Variants in RAB33B observed in about 807,000 individuals in gnomAD.
RAB33B encodes ras-related protein Rab-33B.
Under a neutral mutation model 15.0 loss-of-function variants are expected in RAB33B, and 6 were observed. The observed-to-expected ratio is 0.40, with a 90% confidence interval of 0.22 to 0.79. The LOEUF (loss-of-function observed/expected upper bound fraction) is 0.79. Ranked by LOEUF, RAB33B falls within the 30% of genes least tolerant of loss-of-function variation. RAB33B has a pLI of 0.37. For synonymous variants in RAB33B, 117 were observed against 108.3 expected, an observed-to-expected ratio of 1.08 and a Z score of -0.50; for missense variants, 257 against 296.4, an observed-to-expected ratio of 0.87 and a Z score of 0.98.
At chr4:139,445,010 A>C in the RAB33B span, among the ~76,000 whole-genome samples, 1 of 152,166 alleles carries the variant, frequency 6.6e-6, no homozygotes, top group African/African-American at 2.4e-5. Context: ...TCCCTGTTCA[A>C]CTCTCCCATT....
intron 1 of RAB33B, among the ~76,000 whole-genome samples, chr4:139,456,983 G>T (rs1420703177): frequency 6.6e-6 from 1 of 152,094 alleles, no homozygotes; most frequent in Non-Finnish European, 1.5e-5. Flanking sequence ...GATCTAAAAT[G>T]ACATTTTTCC....
At position 139,474,903 on chromosome 4, in the gene RAB33B, A is replaced by T. The variant is rs1050064463; in HGVS notation, c.*1777A>T. 1 of 152,610 alleles carries T rather than the reference A, an allele frequency of 6.6e-6. No homozygotes were observed. The highest frequency in any genetic ancestry group is 2.4e-5 in the African/African-American group (1 of 41,466). 9.5% of individuals were successfully genotyped at this position (152,610 alleles called of 1,614,324 possible). ...ATTATTGTACTACAGTATTTTCAGA[A>T]TATGGGAAATCAATTAAAAATGTAA... On this transcript the variant is annotated 3_prime_UTR_variant, in exon 2 of 2. Transcript: ENST00000305626.
upstream of RAB33B, chr4:139,451,565 G>A (rs1254872228): frequency 2.6e-5 from 4 of 151,710 alleles, no homozygotes; most frequent in Middle Eastern, 3.2e-3. Flanking sequence ...TGGTAGAGAC[G>A]AGGTTTCACC....
the RAB33B span, among the ~76,000 whole-genome samples, chr4:139,447,772 T>C: frequency 6.8e-6 from 1 of 147,136 alleles, no homozygotes; most frequent in African/African-American, 2.5e-5. Context: ...GTTCACGCCA[T>C]TCTCCTGCCT....
chr4:139,458,179 G>A (rs1056204559), intron 1 of RAB33B, among the ~76,000 whole-genome samples: 9 of 152,102 alleles, frequency 5.9e-5, no homozygotes, highest in Non-Finnish European at 1.3e-4. Flanking sequence ...TGTAGTCCCA[G>A]CTACTCCTGA....
At chr4:139,465,723 T>TTC (rs1750271447) in intron 1 of RAB33B, among the ~76,000 whole-genome samples, 1 of 72,482 alleles carries the variant, frequency 1.4e-5, no homozygotes, top group South Asian at 3.6e-4. Context: ...CTTCTTCTTC[T>TTC]TTTTTTTTTT....
chr4:139,471,518 T>C (rs1012470488), intron 1 of RAB33B, among the ~76,000 whole-genome samples: 3 of 151,582 alleles, frequency 2.0e-5, no homozygotes, highest in African/African-American at 4.8e-5. Flanking sequence ...TTGGTTCTTA[T>C]GAAGTTTTTT....
chr4:139,474,282 T>A lies in RAB33B; in HGVS notation c.*1156T>A, dbSNP rs1227514679. 6.6e-6 allele frequency: 1 copy of A among 152,182 alleles called. No homozygotes were observed. Among genetic ancestry groups the A allele is most frequent in the Admixed American group, 6.5e-5 (1 of 15,270 alleles). The allele number at this position is 152,182 out of a possible 1,614,324, so 9.4% of individuals were successfully genotyped here. A position where few individuals can be genotyped will look rare whatever the true frequency, so the allele number is the denominator to read the frequency against. Reference sequence around the variant, plus strand: ...AGGCAAATAAAGTGACATAAGGTGCTTTATATTTTATTTTGGTATATTTAA... The same window carrying A: ...AGGCAAATAAAGTGACATAAGGTGCATTATATTTTATTTTGGTATATTTAA... On this transcript the variant is annotated 3_prime_UTR_variant, in exon 2 of 2. Coordinates refer to ENST00000305626, the MANE Select transcript of RAB33B (RefSeq NM_031296.3).
At position 139,460,133 on chromosome 4, in the gene RAB33B, A is replaced by T. The variant is rs1750144322; in HGVS notation, c.249+5689A>T. Among the ~76,000 whole-genome samples, 3 of 152,310 alleles carry T rather than the reference A, an allele frequency of 2.0e-5. No individual in the cohort carries two copies. The South Asian group carries it at 6.2e-4, about 32-fold the overall frequency. On this transcript the variant is annotated intron_variant, in intron 1 of 1. Coordinates refer to ENST00000305626, the MANE Select transcript of RAB33B (RefSeq NM_031296.3). ...TGGTGATGAGAAAGAAGAGGACTAG[A>T]TGAGTGAGGTTGTGAGTCTGGGTGA...
chr4:139,464,695 G>A (rs1427497798), intron 1 of RAB33B, among the ~76,000 whole-genome samples: 4 of 152,042 alleles, frequency 2.6e-5, no homozygotes, highest in Non-Finnish European at 5.9e-5. Flanking sequence ...AGCTTCATCC[G>A]TGTCGATACA....
At chr4:139,453,646 G>A (rs1579170907), upstream of RAB33B, 1 of 152,184 alleles carries the variant, frequency 6.6e-6, no homozygotes, top group Non-Finnish European at 1.5e-5. Flanking sequence ...GTCGATGCCG[G>A]AACCGACCCG....
rs1449981000 is a variant in RAB33B at position 139,473,161 on chromosome 4, AAAG to A, written c.*38_*40del. The A allele has an allele frequency of 1.3e-6, 2 of 1,503,896 alleles. No individual in the cohort carries two copies. Among genetic ancestry groups the A allele is most frequent in the East Asian group, 4.7e-5 (2 of 42,914 alleles). 93.2% of individuals were successfully genotyped at this position (1,503,896 alleles called of 1,614,324 possible). A position where few individuals can be genotyped will look rare whatever the true frequency, so the allele number is the denominator to read the frequency against. Reference sequence around the variant, plus strand: ...TTTATTATATTATCTAATTTTGACTAAAGAAATACTTTTGAAGTATGACAGTAT... The same window carrying A: ...TTTATTATATTATCTAATTTTGACTAAAATACTTTTGAAGTATGACAGTAT... On this transcript the variant is annotated 3_prime_UTR_variant, in exon 2 of 2. Transcript: ENST00000305626.
chr4:139,444,155 T>C, the RAB33B span, among the ~76,000 whole-genome samples: 1 of 152,332 alleles, frequency 6.6e-6, no homozygotes, highest in East Asian at 1.9e-4. Context: ...TCAGGCTGAA[T>C]TTATTGATTT....
At chr4:139,463,162 T>C (rs938011032) in intron 1 of RAB33B, among the ~76,000 whole-genome samples, 4 of 152,190 alleles carry the variant, frequency 2.6e-5, no homozygotes, top group Non-Finnish European at 5.9e-5. Flanking sequence ...GACCCTGTCA[T>C]AAAAGATAAT....
chr4:139,454,954 A>C (rs6833610), intron 1 of RAB33B, among the ~76,000 whole-genome samples: 10,747 of 152,294 alleles, frequency 0.071, 1,274 homozygotes, highest in African/African-American at 0.25. Flanking sequence ...TCTCTTGCAT[A>C]CAGTTTTGCT....
At chr4:139,466,133 T>C (rs1750279811) in intron 1 of RAB33B, among the ~76,000 whole-genome samples, 1 of 152,052 alleles carries the variant, frequency 6.6e-6, no homozygotes, top group Non-Finnish European at 1.5e-5. Flanking sequence ...GTGTGAGTCA[T>C]TGCACCCGGC....
the RAB33B span, among the ~76,000 whole-genome samples, chr4:139,446,111 G>A: frequency 2.0e-5 from 3 of 152,222 alleles, no homozygotes; most frequent in South Asian, 2.1e-4. Context: ...GATCAGGCTC[G>A]AGCAGGTCCT....
chr4:139,470,689 A>G (rs75490628), intron 1 of RAB33B, among the ~76,000 whole-genome samples: 8,216 of 152,238 alleles, frequency 0.054, 729 homozygotes, highest in African/African-American at 0.19. Flanking sequence ...AAGACTGTCA[A>G]TGTAGTGCCT....
At position 139,464,399 on chromosome 4, in the gene RAB33B, T is replaced by TG. The variant is rs1235697343; in HGVS notation, c.250-8287_250-8286insG. 2.7e-5 allele frequency among the ~76,000 whole-genome samples: 4 copies of TG among 149,566 alleles called. No homozygotes were observed. In the East Asian group the frequency reaches 5.8e-4, roughly 22 times the overall value. ...AAGAGGAATACTGTTTTTTTTTTTT[T>TG]TTTTTTTTTTTTTATACTTTAAGTT... is the stretch of plus-strand genomic sequence containing the variant. On this transcript the variant is annotated intron_variant, in intron 1 of 1. Transcript: ENST00000305626.
Sources: allele counts gnomAD v4.1 joint callset (sites outside exome capture counted in the v4.1 genomes callset), GRCh38; gene constraint gnomAD v4.1.1; transcripts MANE v1.5; gene names NCBI Gene and HGNC (gene_info 2026-07-23, HGNC 2026-07-21).